MTUS2: variants seen among roughly 807,000 people sequenced by gnomAD.
MTUS2 encodes microtubule associated scaffold protein 2, also known as microtubule-associated tumor suppressor candidate 2.
MTUS2 carries 40 observed loss-of-function variants against 114.1 expected under a neutral mutation model. The ratio of observed to expected loss-of-function variants is 0.35; its 90% CI spans 0.27 to 0.46. The LOEUF is 0.46. Among genes scored for constraint, MTUS2 ranks in the 20% least tolerant of loss-of-function variants. The probability of loss-of-function intolerance (pLI) is 1.00; values close to 1 mark genes in which losing one functional copy is unlikely to be tolerated. For synonymous variants in MTUS2, 688 were observed against 672.0 expected, an observed-to-expected ratio of 1.02 and a Z score of -0.37; for missense variants, 1,679 against 1,705.4, an observed-to-expected ratio of 0.98 and a Z score of 0.27.
chr13:29,001,561 T>C (rs74045506), intron 2 of MTUS2, among the ~76,000 whole-genome samples: 2,682 of 151,990 alleles, frequency 0.018, 80 homozygotes, highest in African/African-American at 0.061. Context: ...ACAGAGGTGG[T>C]GGGAGTGAGC....
rs1173909536 is a variant in MTUS2 at position 29,281,716 on chromosome 13, G to A, written c.2657G>A (p.Gly886Glu). 6.2e-7 allele frequency: 1 copy of A among 1,607,708 alleles called. No homozygotes were observed. The highest frequency in any genetic ancestry group is 8.5e-7 in the Non-Finnish European group (1 of 1,175,336). The change falls in exon 6 of 16, where the codon GGG becomes GAG. Residue 886 changes from glycine to glutamate, a missense_variant. Transcript: ENST00000612955. ...CTGCCTCCCACAGGTTCAACCTTTG[G>A]GAATGAAGAACAGCCAGTTCTGAAG... Reference protein sequence around the residue: ...QGRPATRSTFGNEEQPVLKAS... With the variant: ...QGRPATRSTFENEEQPVLKAS...
intron 5 of MTUS2, among the ~76,000 whole-genome samples, chr13:29,124,880 G>A (rs1461540252): frequency 6.6e-6 from 1 of 152,174 alleles, no homozygotes; most frequent in East Asian, 1.9e-4. Flanking sequence ...GGTACCTGGA[G>A]TACTCAGATT....
intron 4 of MTUS2, among the ~76,000 whole-genome samples, chr13:29,040,031 C>A (rs326508): frequency 0.47 from 71,060 of 151,424 alleles, 17,053 homozygotes; most frequent in South Asian, 0.72. Context: ...TGTATAAGTT[C>A]TTTAGTGGTG....
intron 8 of MTUS2, among the ~76,000 whole-genome samples, chr13:29,378,293 AAAAAAG>A (rs1871910482): frequency 9.0e-6 from 1 of 110,720 alleles, no homozygotes. Flanking sequence ...TAATAAATTA[AAAAAAG>A]AAAAAAGCGA....
chr13:29,082,250 G>A (rs1251785046), intron 4 of MTUS2, among the ~76,000 whole-genome samples: 2 of 152,172 alleles, frequency 1.3e-5, no homozygotes, highest in Admixed American at 6.5e-5. Context: ...TGGACTTCTA[G>A]CCTGCAGCAC....
intron 8 of MTUS2, among the ~76,000 whole-genome samples, chr13:29,397,798 C>A (rs1874019873): frequency 6.6e-6 from 1 of 152,234 alleles, no homozygotes; most frequent in Non-Finnish European, 1.5e-5. Flanking sequence ...CTTCCAGTTT[C>A]TCTCCACAAG....
At chr13:29,190,605 T>C (rs1393326112) in intron 5 of MTUS2, among the ~76,000 whole-genome samples, 1 of 152,188 alleles carries the variant, frequency 6.6e-6, no homozygotes, top group Non-Finnish European at 1.5e-5. Flanking sequence ...TAGGCACAGG[T>C]GAGTGCAGGG....
At chr13:28,862,095 C>A (rs1048673583) in intron 2 of MTUS2, among the ~76,000 whole-genome samples, 2 of 152,096 alleles carry the variant, frequency 1.3e-5, no homozygotes, top group Non-Finnish European at 2.9e-5. Flanking sequence ...TCTATAGATA[C>A]CCCCTTGGCC....
chr13:29,113,676 T>G (rs1357935562), intron 5 of MTUS2, among the ~76,000 whole-genome samples: 1 of 152,200 alleles, frequency 6.6e-6, no homozygotes, highest in African/African-American at 2.4e-5. Flanking sequence ...TTTGGATTTT[T>G]TTTTTAAAGA....
At chr13:28,918,875 T>C (rs1407509482) in intron 2 of MTUS2, among the ~76,000 whole-genome samples, 1 of 152,058 alleles carries the variant, frequency 6.6e-6, no homozygotes. Flanking sequence ...GGCTTGCAAA[T>C]AATATCTTAT....
chr13:29,334,696 G>A (rs1254111354), intron 7 of MTUS2, among the ~76,000 whole-genome samples: 4 of 152,068 alleles, frequency 2.6e-5, no homozygotes, highest in Admixed American at 1.3e-4. Context: ...TGCTCTTCTC[G>A]AGGAGTATCT....
At chr13:29,235,208 T>C (rs1185240327) in intron 5 of MTUS2, among the ~76,000 whole-genome samples, 1 of 152,126 alleles carries the variant, frequency 6.6e-6, no homozygotes, top group Non-Finnish European at 1.5e-5. Context: ...GCAGTTCTTC[T>C]GCCTCAGCCT....
chr13:29,396,360 G>C (rs1003785632), intron 8 of MTUS2, among the ~76,000 whole-genome samples: 1 of 152,142 alleles, frequency 6.6e-6, no homozygotes, highest in African/African-American at 2.4e-5. Context: ...AAAAATTCCA[G>C]AGTCACTATC....
At chr13:29,219,615 G>A (rs1347251922) in intron 5 of MTUS2, among the ~76,000 whole-genome samples, 2 of 152,194 alleles carry the variant, frequency 1.3e-5, no homozygotes, top group Non-Finnish European at 2.9e-5. Flanking sequence ...TAGTTAGGAA[G>A]GTCCTAGATG....
intron 9 of MTUS2, among the ~76,000 whole-genome samples, chr13:29,458,818 A>T (rs539068438): frequency 1.3e-5 from 2 of 152,366 alleles, no homozygotes; most frequent in East Asian, 3.9e-4. Context: ...AAGCTTCTGT[A>T]ACAGAAACCC....
chr13:29,009,378 AACT>A (rs1885740866), intron 2 of MTUS2, among the ~76,000 whole-genome samples: 1 of 151,844 alleles, frequency 6.6e-6, no homozygotes, highest in Non-Finnish European at 1.5e-5. Context: ...AAATATATCC[AACT>A]ACTTTTATTA....
At chr13:29,452,532 A>G (rs905447283) in intron 9 of MTUS2, among the ~76,000 whole-genome samples, 2 of 151,696 alleles carry the variant, frequency 1.3e-5, no homozygotes, top group Non-Finnish European at 2.9e-5. Flanking sequence ...CTGGGACTAC[A>G]GGTGTATGCT....
chr13:29,143,392 C>A (rs1391698988), intron 5 of MTUS2, among the ~76,000 whole-genome samples: 1 of 152,162 alleles, frequency 6.6e-6, no homozygotes, highest in Admixed American at 6.5e-5. Context: ...GTGCTTAATA[C>A]ATTGTTCACA....
chr13:29,335,819 G>T (rs911810786), intron 7 of MTUS2, among the ~76,000 whole-genome samples: 4 of 152,180 alleles, frequency 2.6e-5, no homozygotes, highest in Admixed American at 2.6e-4. Context: ...TCACTTTCAG[G>T]TACAGTCAAA....
Sources: gnomAD v4.1 joint callset for allele counts (sites outside exome capture counted in the v4.1 genomes callset) on GRCh38, gnomAD v4.1.1 for gene constraint, MANE v1.5 for transcripts, NCBI Gene and HGNC (gene_info 2026-07-23, HGNC 2026-07-21) for gene names.